PXYLP1: variants seen among roughly 807,000 people sequenced by gnomAD.
PXYLP1 encodes the protein acid phosphatase-like 2.
PXYLP1 carries 17 observed loss-of-function variants against 37.9 expected under a neutral mutation model. That is an observed-to-expected ratio of 0.45 (90% CI 0.31 to 0.67). PXYLP1 has a LOEUF of 0.67. Among genes scored for constraint, PXYLP1 ranks in the 30% least tolerant of loss-of-function variants. The probability of loss-of-function intolerance (pLI) is 0.07; values close to 1 mark genes in which losing one functional copy is unlikely to be tolerated. For synonymous variants in PXYLP1, 221 were observed against 232.2 expected (o/e 0.95, Z 0.44); for missense variants, 511 against 612.0 (o/e 0.84, Z 1.74).
At chr3:141,274,805 G>A (rs1011347845) in intron 2 of PXYLP1, among the ~76,000 whole-genome samples, 2 of 152,190 alleles carry the variant, frequency 1.3e-5, no homozygotes, top group Non-Finnish European at 2.9e-5. Context: ...AAGAGGATGT[G>A]GGAACTGGGG....
At chr3:141,285,523 AC>A (rs201888272) in intron 4 of PXYLP1, among the ~76,000 whole-genome samples, 1 of 151,038 alleles carries the variant, frequency 6.6e-6, no homozygotes, top group African/African-American at 2.5e-5. Context: ...AACAACAACA[AC>A]AAAAAAAAAC....
intron 1 of PXYLP1, among the ~76,000 whole-genome samples, chr3:141,253,240 G>T (rs1941184754): frequency 2.0e-5 from 3 of 152,196 alleles, no homozygotes; most frequent in Admixed American, 2.0e-4. Flanking sequence ...GCTGGCCTGG[G>T]TAGAGGGCTG....
At chr3:141,263,194 T>C (rs1941432349) in intron 2 of PXYLP1, among the ~76,000 whole-genome samples, 5 of 152,242 alleles carry the variant, frequency 3.3e-5, no homozygotes. Flanking sequence ...TGAACCTACA[T>C]ATATTTATTA....
chr3:141,256,642 G>A (rs1392991112), intron 1 of PXYLP1, among the ~76,000 whole-genome samples: 1 of 152,172 alleles, frequency 6.6e-6, no homozygotes, highest in Non-Finnish European at 1.5e-5. Context: ...TCATCATTTA[G>A]CCATTTTAAT....
At chr3:141,283,600 A>C (rs1262583452) in intron 4 of PXYLP1, among the ~76,000 whole-genome samples, 1 of 152,164 alleles carries the variant, frequency 6.6e-6, no homozygotes, top group Non-Finnish European at 1.5e-5. Flanking sequence ...AAAACAAAGA[A>C]AAGTACACTG....
chr3:141,271,493 G>T (rs943133001), intron 2 of PXYLP1, among the ~76,000 whole-genome samples: 1 of 152,206 alleles, frequency 6.6e-6, no homozygotes, highest in Non-Finnish European at 1.5e-5. Context: ...GCCCCAAGAG[G>T]TTCTTTGCTG....
intron 1 of PXYLP1, among the ~76,000 whole-genome samples, chr3:141,259,287 T>A (rs1310978268): frequency 6.6e-6 from 1 of 152,248 alleles, no homozygotes. Flanking sequence ...AAGAACCTTT[T>A]CTAAAGAGAC....
intron 1 of PXYLP1, among the ~76,000 whole-genome samples, chr3:141,247,833 G>A (rs547747512): frequency 6.6e-6 from 1 of 152,296 alleles, no homozygotes; most frequent in East Asian, 1.9e-4. Context: ...GTTAGCTGCA[G>A]TTTGTGGAAA....
Position 141,248,867 on chromosome 3 carries a change from G to GCA in PXYLP1, c.-53-11256_-53-11255insCA, listed in dbSNP as rs1553751476. Among the ~76,000 whole-genome samples the GCA allele has an allele frequency of 4.4e-5, 3 of 68,398 alleles. 1 individual carries two copies. The highest frequency in any genetic ancestry group is 9.0e-5 in the Non-Finnish European group (3 of 33,332). 44.9% of individuals were successfully genotyped at this position (68,398 alleles called of 152,430 possible). ...TATACACACGTATATATATACACAC[G>GCA]TATATATATATATGGAGAGAGAGAC... On this transcript the variant is annotated intron_variant, in intron 1 of 5. Coordinates refer to ENST00000286353, the MANE Select transcript of PXYLP1 (RefSeq NM_001037172.3).
At position 141,231,905 on chromosome 3, in the gene PXYLP1, A is replaced by G. The variant is rs1048478688; in HGVS notation, c.-60A>G. On this transcript the variant is annotated 5_prime_UTR_variant, in exon 1 of 6. An upstream start codon of the reference 5' UTR is lost. Coordinates refer to ENST00000286353, the MANE Select transcript of PXYLP1 (RefSeq NM_001037172.3). The surrounding 1 kb of genome is among the most constrained non-coding windows in gnomAD (Gnocchi z 4.4). ...ACGGAGCTGGGGCCGGCCTGGGACC[A>G]TGGGCGGTGAGTGCGGCGCGGGCCT... 1.3e-5 allele frequency: 2 copies of G among 152,000 alleles called. No individual in the cohort carries two copies. Among genetic ancestry groups the G allele is most frequent in the African/African-American group, 2.4e-5 (1 of 41,342 alleles). 9.4% of individuals were successfully genotyped at this position (152,000 alleles called of 1,614,324 possible).
chr3:141,278,159 C>G (rs974053821), intron 2 of PXYLP1, among the ~76,000 whole-genome samples, 183 bp from the exon 3 acceptor site: 1 of 152,124 alleles, frequency 6.6e-6, no homozygotes, highest in Non-Finnish European at 1.5e-5. Context: ...GACGAAGGGG[C>G]AGGACACAGT....
At chr3:141,251,516 A>G (rs1449933047) in intron 1 of PXYLP1, among the ~76,000 whole-genome samples, 2 of 152,256 alleles carry the variant, frequency 1.3e-5, no homozygotes, top group Non-Finnish European at 2.9e-5. Flanking sequence ...TCATGTATCC[A>G]GCTAAAATCC....
intron 2 of PXYLP1, chr3:141,273,749 AAG>A (rs1159194472): frequency 4.3e-5 from 42 of 985,390 alleles, no homozygotes; most frequent in Non-Finnish European, 5.1e-5. Context: ...ACCGCCATAA[AAG>A]AGAGGCTTAT....
chr3:141,238,695 A>G (rs1036164119), intron 1 of PXYLP1, among the ~76,000 whole-genome samples: 11 of 151,862 alleles, frequency 7.2e-5, no homozygotes, highest in Non-Finnish European at 4.4e-5. Context: ...CAATATTGTA[A>G]CTATACATAG....
At chr3:141,233,455 A>C in intron 1 of PXYLP1, among the ~76,000 whole-genome samples, 1 of 131,768 alleles carries the variant, frequency 7.6e-6, no homozygotes, top group Non-Finnish European at 1.6e-5. Flanking sequence ...ATAAGAGCAA[A>C]ACCCTGTCAA....
At chr3:141,280,185 G>T (rs1437308134) in intron 4 of PXYLP1, among the ~76,000 whole-genome samples, 2 of 152,224 alleles carry the variant, frequency 1.3e-5, no homozygotes. Flanking sequence ...TAACATTCTA[G>T]CAGAGTTTAG....
intron 2 of PXYLP1, chr3:141,273,034 A>G (rs1941706184): frequency 2.0e-6 from 2 of 984,866 alleles, no homozygotes; most frequent in Non-Finnish European, 2.4e-6. Flanking sequence ...CATCGTTTCC[A>G]TACCTGCACC....
chr3:141,236,268 T>C (rs1940656282), intron 1 of PXYLP1: 1 of 152,210 alleles, frequency 6.6e-6, no homozygotes, highest in Non-Finnish European at 1.5e-5. Context: ...CACTCATGTT[T>C]CAGTTTACAG....
At chr3:141,262,150 C>A in intron 2 of PXYLP1, 2 of 446,166 alleles carry the variant, frequency 4.5e-6, no homozygotes, top group Non-Finnish European at 6.0e-6. Context: ...TTCTCTGATT[C>A]ACTTCCAATT....
Sources: allele counts gnomAD v4.1 joint callset (sites outside exome capture counted in the v4.1 genomes callset), GRCh38; gene constraint gnomAD v4.1.1; non-coding constraint Gnocchi (gnomAD v3.1); transcripts MANE v1.5; gene names NCBI Gene and HGNC (gene_info 2026-07-23, HGNC 2026-07-21).